The following MTUS1 variants were observed in gnomAD, a reference collection of about 807,000 sequenced individuals.
The protein encoded by MTUS1 is microtubule associated scaffold protein 1.
MTUS1 carries 109 observed loss-of-function variants against 120.8 expected under a neutral mutation model. That is an observed-to-expected ratio of 0.90 (90% CI 0.77 to 1.06). MTUS1 has a LOEUF of 1.06. Ranked by LOEUF, MTUS1 falls within the 50% of genes least tolerant of loss-of-function variation. MTUS1 has a pLI of 0.00. For synonymous variants in MTUS1, 737 were observed against 550.5 expected, an observed-to-expected ratio of 1.34 and a Z score of -4.74; for missense variants, 2,210 against 1,486.3, an observed-to-expected ratio of 1.49 and a Z score of -8.01.
At chr8:17,737,290 C>T (rs2047004482) in intron 3 of MTUS1, among the ~76,000 whole-genome samples, 2 of 152,146 alleles carry the variant, frequency 1.3e-5, no homozygotes, top group South Asian at 4.1e-4. Flanking sequence ...ATCACAGTAT[C>T]CCTACTAGGA....
At chr8:17,748,275 T>C (rs1191113025) in intron 2 of MTUS1, 1 of 151,992 alleles carries the variant, frequency 6.6e-6, no homozygotes, top group African/African-American at 2.4e-5. Flanking sequence ...ATGGCCAGAC[T>C]TTAGGGAAGA....
Position 17,755,314 on chromosome 8 carries a change from A to G in MTUS1, c.494T>C (p.Val165Ala). 1 of 1,614,210 alleles carries G rather than the reference A, an allele frequency of 6.2e-7. No homozygotes were observed. Among genetic ancestry groups the G allele is most frequent in the South Asian group, 1.1e-5 (1 of 91,082 alleles). Reference protein sequence around the residue: ...LELNQTFDMTVDKVNCTFISH... With the variant: ...LELNQTFDMTADKVNCTFISH... ...TATAAAGGTGCAGTTAACTTTATCC[A>G]CTGTCATGTCAAATGTTTGGTTTAG... Residue 165 changes from valine (V) to alanine (A), a missense_variant, in exon 2 of 15, where the codon GTG becomes GCG. By Grantham distance (64) the Val-to-Ala change is moderately conservative. Coordinates refer to ENST00000693296, the MANE Select transcript of MTUS1 (RefSeq NM_001363059.2).
intron 1 of MTUS1, among the ~76,000 whole-genome samples, chr8:17,756,452 C>T (rs2048615593): frequency 6.6e-6 from 1 of 152,042 alleles, no homozygotes; most frequent in Non-Finnish European, 1.5e-5. Flanking sequence ...GCCATGAAAG[C>T]CCAGCAAATC....
At chr8:17,685,038 C>G (rs1042774432) in intron 6 of MTUS1, among the ~76,000 whole-genome samples, 1 of 152,166 alleles carries the variant, frequency 6.6e-6, no homozygotes, top group Non-Finnish European at 1.5e-5. Context: ...CAGATTTATA[C>G]CGCAGATGAG....
rs779631922 is a variant in MTUS1 at position 17,755,266 on chromosome 8, C to T, written c.542G>A (p.Ser181Asn). 5.0e-6 allele frequency: 8 copies of T among 1,614,042 alleles called. No individual in the cohort carries two copies. Among genetic ancestry groups the T allele is most frequent in the South Asian group, 2.2e-5 (2 of 91,088 alleles). The change falls in exon 2 of 15, where the codon AGT becomes AAT. Residue 181 changes from serine to asparagine, a missense_variant. By Grantham distance (46) the Ser-to-Asn change is conservative. Transcript: ENST00000693296. Reference protein sequence around the residue: ...TFISHHAIGKSQSFHTAGSLP... With the variant: ...TFISHHAIGKNQSFHTAGSLP... Reference sequence around the variant, plus strand: ...GCTTCCAGCAGTATGGAAGGACTGACTCTTTCCGATGGCATGATGTGATAT... The same window carrying T: ...GCTTCCAGCAGTATGGAAGGACTGATTCTTTCCGATGGCATGATGTGATAT...
At chr8:17,721,064 A>G (rs937416889) in intron 4 of MTUS1, among the ~76,000 whole-genome samples, 4 of 152,236 alleles carry the variant, frequency 2.6e-5, no homozygotes, top group South Asian at 2.1e-4. Flanking sequence ...GCACTGTGTT[A>G]TATCAGAAGT....
Position 17,780,281 on chromosome 8 carries a change from T to C in MTUS1, c.-155+20780A>G, listed in dbSNP as rs746955159. On this transcript the variant is annotated intron_variant, in intron 1 of 14. Coordinates refer to ENST00000693296, the MANE Select transcript of MTUS1 (RefSeq NM_001363059.2). ...AGATTCCTGCTGCCTTCTGCCATGA[T>C]TGGAAGCTGCCTGCGGCCTCATCAG... 6.6e-5 allele frequency among the ~76,000 whole-genome samples: 10 copies of C among 152,298 alleles called. 1 individual carries two copies. Among genetic ancestry groups the C allele is most frequent in the East Asian group, 3.9e-4 (2 of 5,190 alleles).
chr8:17,726,924 G>A (rs1463759160), intron 3 of MTUS1, among the ~76,000 whole-genome samples: 1 of 152,156 alleles, frequency 6.6e-6, no homozygotes, highest in Non-Finnish European at 1.5e-5. Context: ...CTTCAGAAAT[G>A]CATGCCTCAT....
chr8:17,690,094 G>C (rs184886862), intron 6 of MTUS1, among the ~76,000 whole-genome samples: 1 of 152,260 alleles, frequency 6.6e-6, no homozygotes, highest in East Asian at 1.9e-4. Flanking sequence ...ACAACCTATA[G>C]AATGGGAGAA....
intron 8 of MTUS1, among the ~76,000 whole-genome samples, chr8:17,656,563 T>C (rs1044457758): frequency 1.0e-5 from 1 of 96,764 alleles, no homozygotes; most frequent in African/African-American, 3.7e-5. Context: ...CCACCCCACA[T>C]TCAAAAAACT....
At chr8:17,685,908 T>C (rs1048138382) in intron 6 of MTUS1, among the ~76,000 whole-genome samples, 2 of 152,186 alleles carry the variant, frequency 1.3e-5, no homozygotes, top group Non-Finnish European at 2.9e-5. Context: ...CTTGCATAGA[T>C]GTAGAAAATA....
intron 8 of MTUS1, among the ~76,000 whole-genome samples, chr8:17,662,238 C>G (rs890362622): frequency 2.6e-5 from 4 of 152,052 alleles, no homozygotes; most frequent in African/African-American, 7.2e-5. Flanking sequence ...CCCCACAAAG[C>G]CAAAACCAAA....
intron 8 of MTUS1, among the ~76,000 whole-genome samples, chr8:17,666,017 T>C (rs73573048): frequency 0.061 from 9,261 of 150,708 alleles, 491 homozygotes; most frequent in East Asian, 0.24. Flanking sequence ...CCTCCCACCC[T>C]TGAAGAGAAG....
At chr8:17,696,748 TTAC>T (rs1818057306) in intron 6 of MTUS1, among the ~76,000 whole-genome samples, 1 of 152,212 alleles carries the variant, frequency 6.6e-6, no homozygotes, top group Non-Finnish European at 1.5e-5. Flanking sequence ...TGTGATTCAC[TTAC>T]TACTTCCCCA....
chr8:17,745,246 C>T (rs953959054), intron 2 of MTUS1, among the ~76,000 whole-genome samples: 3 of 152,122 alleles, frequency 2.0e-5, no homozygotes, highest in African/African-American at 7.2e-5. Flanking sequence ...GTTCCAGGAC[C>T]CTGGCAGATA....
intron 4 of MTUS1, chr8:17,721,995 GAA>G (rs34302917): frequency 3.8e-3 from 4,503 of 1,193,494 alleles, no homozygotes; most frequent in South Asian, 0.016. Flanking sequence ...CGAATGGAGG[GAA>G]AAAAAAAAAA....
At chr8:17,694,605 T>A (rs1585747768) in intron 6 of MTUS1, among the ~76,000 whole-genome samples, 1 of 151,312 alleles carries the variant, frequency 6.6e-6, no homozygotes. Flanking sequence ...GAGGCGGAGG[T>A]TGCAGTGGGC....
rs767363558 is a variant in MTUS1 at position 17,665,588 on chromosome 8, G to C, written c.2906-9523C>G. On this transcript the variant is annotated intron_variant, in intron 8 of 14. Transcript: ENST00000693296. ...GTTGGCAAGGCTGGTCTCAAACTCCGGGCATCAAGCGATCTGTCCACCTCA... is the reference window on the plus strand; with the variant it reads ...GTTGGCAAGGCTGGTCTCAAACTCCCGGCATCAAGCGATCTGTCCACCTCA... 4.6e-5 allele frequency among the ~76,000 whole-genome samples: 7 copies of C among 152,018 alleles called. No homozygotes were observed. In the South Asian group the frequency reaches 6.2e-4, roughly 14 times the overall value.
chr8:17,731,036 A>T (rs551342527), intron 3 of MTUS1, among the ~76,000 whole-genome samples: 1 of 152,320 alleles, frequency 6.6e-6, no homozygotes, highest in East Asian at 1.9e-4. Flanking sequence ...AGTTGGAGTA[A>T]GATATTATAA....
Sources: allele counts gnomAD v4.1 joint callset (sites outside exome capture counted in the v4.1 genomes callset), GRCh38; gene constraint gnomAD v4.1.1; transcripts MANE v1.5; gene names NCBI Gene and HGNC (gene_info 2026-07-23, HGNC 2026-07-21).